ATP2C1: variants seen among roughly 807,000 people sequenced by gnomAD.
The protein encoded by ATP2C1 is ATPase secretory pathway Ca2+ transporting 1.
ATP2C1 carries 31 observed loss-of-function variants against 120.5 expected under a neutral mutation model. That is an observed-to-expected ratio of 0.26 (90% CI 0.19 to 0.35). The LOEUF (loss-of-function observed/expected upper bound fraction) is 0.35, where lower values mean the gene tolerates loss of function less well. Ranked by LOEUF, ATP2C1 falls within the 10% of genes least tolerant of loss-of-function variation. ATP2C1 has a pLI of 1.00. For missense variants in ATP2C1, 731 were observed against 1,107.5 expected (o/e 0.66, Z 4.83); for synonymous variants, 351 against 358.7 (o/e 0.98, Z 0.24).
At chr3:130,881,708 GT>G (rs2068787199) in intron 1 of ATP2C1, among the ~76,000 whole-genome samples, 1 of 152,156 alleles carries the variant, frequency 6.6e-6, no homozygotes, top group African/African-American at 2.4e-5. Flanking sequence ...TGTTTACATT[GT>G]TTTGCATCCT....
chr3:130,852,931 G>A (rs907901668), intron 1 of ATP2C1, among the ~76,000 whole-genome samples: 3 of 152,096 alleles, frequency 2.0e-5, no homozygotes, highest in South Asian at 2.1e-4. Context: ...ATTTTACCAC[G>A]CTTGATCCCT....
chr3:131,005,541 G>A (rs907266817), downstream of ATP2C1, among the ~76,000 whole-genome samples: 1 of 152,236 alleles, frequency 6.6e-6, no homozygotes, highest in Admixed American at 6.5e-5. Flanking sequence ...CCTAAGCTAA[G>A]CAGGGTTTAG....
chr3:130,899,045 A>G (rs1437121227), intron 2 of ATP2C1, among the ~76,000 whole-genome samples: 1 of 152,168 alleles, frequency 6.6e-6, no homozygotes, highest in African/African-American at 2.4e-5. Flanking sequence ...CATGTAGACA[A>G]ATGTTGGTAA....
intron 26 of ATP2C1, among the ~76,000 whole-genome samples, chr3:131,013,285 A>G (rs1236389754): frequency 6.6e-6 from 1 of 152,214 alleles, no homozygotes; most frequent in Non-Finnish European, 1.5e-5. Flanking sequence ...ATCACCTAAT[A>G]CATGATATGT....
chr3:130,993,896 A>G, intron 21 of ATP2C1, 36 bp from the exon 22 acceptor site: 1 of 1,612,178 alleles, frequency 6.2e-7, no homozygotes, highest in South Asian at 1.1e-5. Flanking sequence ...TTTTATCAAA[A>G]TTCCTTCCTC....
In ATP2C1 at chr3:131,014,384, C is replaced by T. The variant is rs746780624; in HGVS notation, c.2630-1768C>T. 5.7e-6 allele frequency: 9 copies of T among 1,576,522 alleles called. No homozygotes were observed. The East Asian group carries it at 1.3e-4, about 24-fold the overall frequency. On this transcript the variant is annotated intron_variant, in intron 26 of 26. Coordinates refer to the ATP2C1 transcript ENST00000328560. ...GTCCGTGCACCAGGCTTCCACTGTA[C>T]AGTCTGTTCAAAGCAAGAAAAAAGT... is the stretch of plus-strand genomic sequence containing the variant.
intron 1 of ATP2C1, chr3:130,868,534 G>A (rs1364447030): frequency 3.7e-5 from 3 of 80,146 alleles, no homozygotes; most frequent in African/African-American, 1.4e-4. Flanking sequence ...CAGCCGCCCC[G>A]CCCGGGAGGG....
At chr3:130,933,871 A>G (rs2059556636) in intron 4 of ATP2C1, among the ~76,000 whole-genome samples, 1 of 152,180 alleles carries the variant, frequency 6.6e-6, no homozygotes, top group African/African-American at 2.4e-5. Context: ...GAGCTATGGT[A>G]TCTAAGGGCT....
rs369329097 is a variant in ATP2C1, at chr3:130,930,508, A to G, written c.99A>G (p.Glu33=). 26 of 1,609,962 alleles carry G rather than the reference A, an allele frequency of 1.6e-5. No homozygotes were observed. Among genetic ancestry groups the G allele is most frequent in the Non-Finnish European group, 2.2e-5 (26 of 1,176,238 alleles). The part of the protein sequence containing the change: ...SKKASELPVS[E]VASILQADLQ... ...AAGCAAGTGAATTACCAGTCAGTGA[A>G]GTTGCAAGCATTCTCCAAGTAAGTG... Residue 33 remains glutamate (E), a synonymous_variant, in exon 3 of 28, where the codon GAA becomes GAG. Transcript: ENST00000510168.
intron 23 of ATP2C1, 177 bp downstream of exon 23, chr3:130,996,288 G>C: frequency 1.6e-6 from 1 of 624,914 alleles, no homozygotes; most frequent in Non-Finnish European, 2.8e-6. Flanking sequence ...TGATAAATAG[G>C]TTGTAAATGT....
chr3:130,993,911 C>T, intron 21 of ATP2C1, 21 bp from the exon 22 acceptor site: 1 of 1,613,952 alleles, frequency 6.2e-7, no homozygotes, highest in Non-Finnish European at 8.5e-7. Flanking sequence ...TTCCTCTCCC[C>T]TGTCCTCTGC....
intron 1 of ATP2C1, among the ~76,000 whole-genome samples, chr3:130,887,435 C>T (rs116089617): frequency 0.01 from 1,595 of 152,292 alleles, 17 homozygotes; most frequent in Middle Eastern, 0.031. Context: ...CCCACAGCCC[C>T]GGGTGGGTCC....
At chr3:130,896,751 T>G (rs1433050806) in intron 2 of ATP2C1, among the ~76,000 whole-genome samples, 1 of 152,214 alleles carries the variant, frequency 6.6e-6, no homozygotes, top group Non-Finnish European at 1.5e-5. Context: ...GAGCCTGTAT[T>G]TCTTCATCTA....
chr3:130,869,432 A>AAAT (rs2068349042), intron 1 of ATP2C1: 1 of 14,214 alleles, frequency 7.0e-5, no homozygotes, highest in African/African-American at 2.3e-4. Context: ...TAAAAAATAA[A>AAAT]AAAAAAAAAA....
intron 8 of ATP2C1, among the ~76,000 whole-genome samples, chr3:130,951,785 C>G (rs1046996758): frequency 6.6e-6 from 1 of 151,982 alleles, no homozygotes; most frequent in Non-Finnish European, 1.5e-5. Context: ...GACTATTGAT[C>G]TGTATTTTAA....
chr3:130,898,652 A>G (rs938173619), intron 2 of ATP2C1, among the ~76,000 whole-genome samples: 2 of 152,170 alleles, frequency 1.3e-5, no homozygotes, highest in Admixed American at 6.5e-5. Flanking sequence ...ACCTTCTGAC[A>G]GTTGGATTCC....
intron 22 of ATP2C1, among the ~76,000 whole-genome samples, chr3:130,994,605 T>C (rs1392999861): frequency 6.6e-6 from 1 of 152,194 alleles, no homozygotes; most frequent in Non-Finnish European, 1.5e-5. Flanking sequence ...TAATACATGG[T>C]GGTGTCAGTT....
At chr3:130,918,804 A>G (rs1225354477) in intron 2 of ATP2C1, 1 of 353,592 alleles carries the variant, frequency 2.8e-6, no homozygotes, top group Non-Finnish European at 5.5e-6. Context: ...ATCCTGGCTA[A>G]CATGGTGAAA....
chr3:131,011,572 G>T (rs1179249901), intron 26 of ATP2C1, among the ~76,000 whole-genome samples: 1 of 152,208 alleles, frequency 6.6e-6, no homozygotes, highest in African/African-American at 2.4e-5. Flanking sequence ...TGTTCCTAAT[G>T]TATATCTGAT....
Sources: gnomAD v4.1 joint callset for allele counts (sites outside exome capture counted in the v4.1 genomes callset) on GRCh38, gnomAD v4.1.1 for gene constraint, MANE v1.5 for transcripts, NCBI Gene and HGNC (gene_info 2026-07-23, HGNC 2026-07-21) for gene names.